Variants in CABYR observed in about 807,000 individuals in gnomAD.
CABYR encodes the protein calcium binding tyrosine phosphorylation regulated, also known as calcium-binding tyrosine phosphorylation-regulated protein.
In CABYR, 31 loss-of-function variants were observed where a neutral mutation model predicts 36.1. The ratio of observed to expected loss-of-function variants is 0.86; its 90% CI spans 0.64 to 1.16. The LOEUF (loss-of-function observed/expected upper bound fraction) is 1.16, where lower values mean the gene tolerates loss of function less well. Ranked by LOEUF, CABYR falls within the 50% of genes most tolerant of loss-of-function variation. CABYR has a pLI of 0.00. For synonymous variants in CABYR, 146 were observed against 160.7 expected, an observed-to-expected ratio of 0.91 and a Z score of 0.69; for missense variants, 429 against 455.8, an observed-to-expected ratio of 0.94 and a Z score of 0.53.
chr18:24,161,593 C>T lies in CABYR; in HGVS notation c.*77C>T. ...GTGTAATGTATCAATAAACTTCATG[C>T]AAGCATACAATTTTGTATTGCTTTT... On this transcript the variant is annotated 3_prime_UTR_variant, in exon 6 of 6. Coordinates refer to ENST00000399496, the MANE Select transcript of CABYR (RefSeq NM_153769.3). 1.3e-6 allele frequency: 1 copy of T among 769,580 alleles called. No homozygotes were observed. The highest frequency in any genetic ancestry group is 2.4e-6 in the Non-Finnish European group (1 of 413,204). 47.7% of individuals were successfully genotyped at this position (769,580 alleles called of 1,614,324 possible). A position where few individuals can be genotyped will look rare whatever the true frequency, so the allele number is the denominator to read the frequency against.
chr18:24,149,669 T>C (rs999067345), intron 3 of CABYR, among the ~76,000 whole-genome samples: 1 of 152,178 alleles, frequency 6.6e-6, no homozygotes, highest in Non-Finnish European at 1.5e-5. Context: ...GGCTCAGGCA[T>C]GGCGGGCTGC....
At chr18:24,161,459 CAT>C in intron 5 of CABYR, 55 bp from the exon 6 acceptor site, 1 of 775,914 alleles carries the variant, frequency 1.3e-6, no homozygotes, top group African/African-American at 1.7e-5. Flanking sequence ...GCTCATTTCA[CAT>C]GTTCGGTTTC....
Position 24,155,770 on chromosome 18 carries a change from C to A in CABYR, c.269C>A (p.Ser90Tyr), listed in dbSNP as rs781590769. The change falls in exon 4 of 6, where the codon TCT (serine) becomes TAT (tyrosine). Residue 90 changes from serine (S) to tyrosine (Y), a missense_variant. Transcript: ENST00000399496. ...TGTTTAAAAGAACCAGGAAAAACATCTGTAGAATCTAAAGTACCTACCCAG... is the reference window on the plus strand; with the variant it reads ...TGTTTAAAAGAACCAGGAAAAACATATGTAGAATCTAAAGTACCTACCCAG... ...LECLKEPGKT[S>Y]VESKVPTQME... The A allele has an allele frequency of 6.2e-7, 1 of 1,613,946 alleles. No homozygotes were observed. Among genetic ancestry groups the A allele is most frequent in the Non-Finnish European group, 8.5e-7 (1 of 1,179,920 alleles).
Position 24,155,731 on chromosome 18 carries a change from A to T in CABYR, c.230A>T (p.Gln77Leu). 1 of 1,609,588 alleles carries T rather than the reference A, an allele frequency of 6.2e-7. No homozygotes were observed. Among genetic ancestry groups the T allele is most frequent in the Non-Finnish European group, 8.5e-7 (1 of 1,178,216 alleles). ...VEKWSEGTTP[Q>L]KKLECLKEPG... ...AAATGGTCAGAAGGAACGACACCACAGAAGAAATTAGAATGTTTAAAAGAA... is the reference window on the plus strand; with the variant it reads ...AAATGGTCAGAAGGAACGACACCACTGAAGAAATTAGAATGTTTAAAAGAA... Residue 77 changes from glutamine to leucine, a missense_variant, in exon 4 of 6, where the codon CAG (glutamine) becomes CTG (leucine). Transcript: ENST00000399496.
rs772312679 is a variant in CABYR at position 24,160,070 on chromosome 18, G to A, written c.1139+1G>A. The A allele has an allele frequency of 1.9e-6, 3 of 1,595,774 alleles. No individual in the cohort carries two copies. Among genetic ancestry groups the A allele is most frequent in the African/African-American group, 3.0e-5 (2 of 67,540 alleles). On this transcript the variant is annotated splice_donor_variant, in intron 5 of 5. Coordinates refer to ENST00000399496, the MANE Select transcript of CABYR (RefSeq NM_153769.3). LOFTEE classifies it high-confidence loss of function. ...GTCGCAAAGCAGAAACTGAAAACTG[G>A]TAGGTACACTTTCCTACCATAATAT...
At chr18:24,144,151 A>G (rs1438106014) in intron 3 of CABYR, among the ~76,000 whole-genome samples, 3 of 151,908 alleles carry the variant, frequency 2.0e-5, no homozygotes, top group Non-Finnish European at 4.4e-5. Flanking sequence ...GCCTGCCTCA[A>G]CCTCCCAAAG....
intron 3 of CABYR, chr18:24,150,589 G>A (rs2085595606): frequency 2.0e-6 from 2 of 984,270 alleles, no homozygotes; most frequent in African/African-American, 3.5e-5. Flanking sequence ...GAAGGGCAAG[G>A]AGGAAGAGGG....
chr18:24,150,436 A>G (rs1312202181), intron 3 of CABYR: 1 of 218,544 alleles, frequency 4.6e-6, no homozygotes, highest in Non-Finnish European at 7.8e-6. Flanking sequence ...TACCCCATAC[A>G]TATTTCAGTC....
chr18:24,161,176 G>A (rs1387422524), intron 5 of CABYR, among the ~76,000 whole-genome samples: 2 of 150,336 alleles, frequency 1.3e-5, no homozygotes, highest in Non-Finnish European at 2.9e-5. Flanking sequence ...ATAATTAGTG[G>A]GAATTTTAAG....
rs58488339 is a variant in CABYR, at chr18:24,155,473, C to G, written c.200-228C>G. ...TCTATACTGACATCTGAATGCTTAA[C>G]CCATTATTGCTTTTTTTTTTGGTGG... On this transcript the variant is annotated intron_variant, in intron 3 of 5. Coordinates refer to ENST00000399496, the MANE Select transcript of CABYR (RefSeq NM_153769.3). Among the ~76,000 whole-genome samples the G allele has an allele frequency of 7.1e-3, 1,086 of 152,200 alleles. 16 individuals carry two copies. The highest frequency in any genetic ancestry group is 0.025 in the African/African-American group (1,033 of 41,504).
intron 4 of CABYR, 70 bp from the exon 5 acceptor site, chr18:24,159,402 A>G: frequency 9.7e-7 from 1 of 1,036,168 alleles, no homozygotes; most frequent in South Asian, 1.5e-5. Flanking sequence ...GAGACTTACA[A>G]AGACATTACT....
At chr18:24,147,647 T>G (rs1599378183) in intron 3 of CABYR, among the ~76,000 whole-genome samples, 1 of 151,948 alleles carries the variant, frequency 6.6e-6, no homozygotes, top group East Asian at 1.9e-4. Flanking sequence ...GGGCAGAAGG[T>G]TTAAAAAAGT....
intron 3 of CABYR, among the ~76,000 whole-genome samples, chr18:24,149,039 C>T (rs1398255770): frequency 6.6e-6 from 1 of 152,172 alleles, no homozygotes; most frequent in Non-Finnish European, 1.5e-5. Flanking sequence ...TGACAGGGTG[C>T]TGATTGGTGC....
At chr18:24,151,072 C>A (rs1459260681) in intron 3 of CABYR, among the ~76,000 whole-genome samples, 1 of 152,140 alleles carries the variant, frequency 6.6e-6, no homozygotes, top group East Asian at 1.9e-4. Flanking sequence ...GTCTTTGATA[C>A]CTTTCAGATT....
In CABYR at chr18:24,143,091, T is replaced by G; in HGVS notation, c.-24T>G. ...TTCTAAGACTTTTTCTTCATTCTAG[T>G]TGAGTTACAGACATCCTGCCAAAAT... On this transcript the variant is annotated splice_region_variant and 5_prime_UTR_variant, in exon 2 of 6. Coordinates refer to ENST00000399496, the MANE Select transcript of CABYR (RefSeq NM_153769.3). 6.4e-7 allele frequency: 1 copy of G among 1,563,900 alleles called. No homozygotes were observed. The highest frequency in any genetic ancestry group is 8.6e-7 in the Non-Finnish European group (1 of 1,159,362).
rs751398808 is a variant in CABYR at position 24,143,189 on chromosome 18, T to A, written c.75T>A (p.Val25=). Residue 25 remains valine, a synonymous_variant, in exon 2 of 6, where the codon GTT becomes GTA. Coordinates refer to ENST00000399496, the MANE Select transcript of CABYR (RefSeq NM_153769.3). ...TGCTCGAGGGAATTAGCAGAGCTGT[T>A]CTCAAAACCAACCCATCAAACATCA... ...KTLLEGISRA[V]LKTNPSNINQ... 24 of 1,613,974 alleles carry A rather than the reference T, an allele frequency of 1.5e-5. No homozygotes were observed. Among genetic ancestry groups the A allele is most frequent in the Non-Finnish European group, 2.0e-5 (24 of 1,179,992 alleles).
rs548557475 is a variant in CABYR, at chr18:24,152,626, A to G, written c.200-3075A>G. The G allele has an allele frequency of 2.0e-5, 3 of 152,290 alleles. No individual in the cohort carries two copies. In the South Asian group the frequency reaches 6.2e-4, roughly 32 times the overall value. 9.4% of individuals were successfully genotyped at this position (152,290 alleles called of 1,614,324 possible). A position where few individuals can be genotyped will look rare whatever the true frequency, so the allele number is the denominator to read the frequency against. ...AGCTTTTTTAACATTTAAAAAATTA[A>G]TTACATTTTAATCTTCTAGACGTAA... is the stretch of plus-strand genomic sequence containing the variant. On this transcript the variant is annotated intron_variant, in intron 3 of 5. Coordinates refer to ENST00000399496, the MANE Select transcript of CABYR (RefSeq NM_153769.3).
intron 3 of CABYR, among the ~76,000 whole-genome samples, chr18:24,146,027 T>A (rs1401616078): frequency 1.3e-5 from 2 of 152,194 alleles, no homozygotes; most frequent in East Asian, 3.8e-4. Context: ...ACGTGTCATT[T>A]ACAGTTTCCA....
chr18:24,147,907 G>GA (rs1452932846), intron 3 of CABYR, among the ~76,000 whole-genome samples: 2 of 152,138 alleles, frequency 1.3e-5, no homozygotes, highest in Admixed American at 6.6e-5. Context: ...CAACATATCT[G>GA]AAAAGGTGTT....
Sources: allele counts gnomAD v4.1 joint callset (sites outside exome capture counted in the v4.1 genomes callset), GRCh38; gene constraint gnomAD v4.1.1; transcripts MANE v1.5; gene names NCBI Gene and HGNC (gene_info 2026-07-23, HGNC 2026-07-21).